The following PCSK5 variants were observed in gnomAD, a reference collection of about 807,000 sequenced individuals.
The protein encoded by PCSK5 is prohormone convertase 5.
Under a neutral mutation model 233.2 loss-of-function variants are expected in PCSK5, and 129 were observed. The ratio of observed to expected loss-of-function variants is 0.55; its 90% CI spans 0.48 to 0.64. The LOEUF (loss-of-function observed/expected upper bound fraction) is 0.64, where lower values mean the gene tolerates loss of function less well. PCSK5 is among the 30% of genes least tolerant of loss of function. The pLI is 0.00. For missense variants in PCSK5, 2,076 were observed against 2,430.1 expected (o/e 0.85, Z 3.06); for synonymous variants, 825 against 879.2 (o/e 0.94, Z 1.09).
At chr9:76,191,284 T>C (rs1159203950) in intron 20 of PCSK5, among the ~76,000 whole-genome samples, 2 of 152,208 alleles carry the variant, frequency 1.3e-5, no homozygotes, top group African/African-American at 4.8e-5. Flanking sequence ...TTCCCTTCTT[T>C]TGAATGTTTC....
chr9:75,912,476 T>G (rs949461586), intron 1 of PCSK5, among the ~76,000 whole-genome samples: 3 of 152,162 alleles, frequency 2.0e-5, no homozygotes, highest in Non-Finnish European at 2.9e-5. Context: ...TGTTAAAATG[T>G]GGATTCTGGT....
chr9:76,294,881 G>C (rs1454813841), intron 25 of PCSK5, among the ~76,000 whole-genome samples: 1 of 152,116 alleles, frequency 6.6e-6, no homozygotes, highest in Non-Finnish European at 1.5e-5. Context: ...GGCTGGGCGT[G>C]GTGGCTCATG....
chr9:75,920,067 G>C (rs1369404819), intron 1 of PCSK5, among the ~76,000 whole-genome samples: 1 of 152,190 alleles, frequency 6.6e-6, no homozygotes, highest in Non-Finnish European at 1.5e-5. Context: ...TACTTGGGAG[G>C]CTGGGGGAGG....
At chr9:76,228,287 G>T (rs1037408108) in intron 21 of PCSK5, among the ~76,000 whole-genome samples, 1 of 152,032 alleles carries the variant, frequency 6.6e-6, no homozygotes, top group African/African-American at 2.4e-5. Context: ...GTTACAAGGG[G>T]TGAACTGTTT....
At chr9:76,026,210 A>G (rs1325152883) in intron 4 of PCSK5, among the ~76,000 whole-genome samples, 2 of 152,236 alleles carry the variant, frequency 1.3e-5, no homozygotes, top group Non-Finnish European at 2.9e-5. Context: ...TCAGTAATGC[A>G]GGTATTTTTC....
At chr9:76,326,786 G>A (rs766432421) in intron 32 of PCSK5, among the ~76,000 whole-genome samples, 1 of 152,132 alleles carries the variant, frequency 6.6e-6, no homozygotes, top group Non-Finnish European at 1.5e-5. Context: ...ATTCTGTTAG[G>A]GAAGACAGGT....
At chr9:76,005,991 C>A (rs1462491647) in intron 3 of PCSK5, among the ~76,000 whole-genome samples, 1 of 151,892 alleles carries the variant, frequency 6.6e-6, no homozygotes, top group Non-Finnish European at 1.5e-5. Context: ...ACTACAGCCT[C>A]CCAAGGGGCT....
chr9:76,225,276 T>G (rs1825853616), intron 20 of PCSK5, among the ~76,000 whole-genome samples: 1 of 152,160 alleles, frequency 6.6e-6, no homozygotes, highest in African/African-American at 2.4e-5. Flanking sequence ...TCTCTACATC[T>G]CCCTTAGTAG....
rs780628172 is a variant in PCSK5 at position 76,323,137 on chromosome 9, C to T, written c.4188C>T (p.Val1396=). The change falls in exon 32 of 38, where the codon GTC becomes GTT. Residue 1396 remains valine, a synonymous_variant. Coordinates refer to ENST00000674117, the MANE Select transcript of PCSK5 (RefSeq NM_001372043.1). ...TCTATGCAGACTCGCGCCACTGTGTCCCCTGCCATAAAGACTGTCTGGAGT... is the reference window on the plus strand; with the variant it reads ...TCTATGCAGACTCGCGCCACTGTGTTCCCTGCCATAAAGACTGTCTGGAGT... ...RGFYADSRHC[V]PCHKDCLECS... is the part of the protein sequence containing the mutation. The T allele has an allele frequency of 6.2e-7, 1 of 1,612,158 alleles. No individual in the cohort carries two copies.
At chr9:76,230,906 T>C (rs888766605) in intron 21 of PCSK5, among the ~76,000 whole-genome samples, 1 of 152,100 alleles carries the variant, frequency 6.6e-6, no homozygotes, top group South Asian at 2.1e-4. Context: ...TTTCATTATA[T>C]ATCACAATGT....
chr9:76,335,450 A>G (rs577003172), intron 34 of PCSK5, among the ~76,000 whole-genome samples: 161 of 152,282 alleles, frequency 1.1e-3, no homozygotes, highest in African/African-American at 3.7e-3. Flanking sequence ...TCTGGCTTGG[A>G]AAAGTAGGCA....
At chr9:76,133,861 C>T (rs534884103) in intron 9 of PCSK5, among the ~76,000 whole-genome samples, 1 of 152,122 alleles carries the variant, frequency 6.6e-6, no homozygotes, top group East Asian at 1.9e-4. Context: ...AACTAAGTTA[C>T]CCTGACTACA....
At chr9:76,068,174 C>T (rs1011557654) in intron 6 of PCSK5, 131 bp downstream of exon 6, 16 of 612,700 alleles carry the variant, frequency 2.6e-5, no homozygotes, top group Non-Finnish European at 4.7e-5. Context: ...TCAACTATTG[C>T]TGGCCCCAAC....
intron 5 of PCSK5, among the ~76,000 whole-genome samples, chr9:76,038,275 T>TCTAGTACCCCATAG (rs1828948000): frequency 6.6e-6 from 1 of 152,188 alleles, no homozygotes; most frequent in Admixed American, 6.5e-5. Flanking sequence ...CCTGATACCT[T>TCTAGTACCCCATAG]GATCTTCCCA....
intron 24 of PCSK5, among the ~76,000 whole-genome samples, chr9:76,270,170 A>G (rs2131371856): frequency 6.6e-6 from 1 of 152,332 alleles, no homozygotes; most frequent in East Asian, 1.9e-4. Context: ...ATTAATGATC[A>G]GAAAATACGT....
chr9:75,891,278 C>A lies in PCSK5; in HGVS notation c.97C>A (p.Arg33Ser), dbSNP rs1388837223. ...CTGCCTGCTCCCCGTGTGTCGGACG[C>A]GCGTCTACACCAACCACTGGGCAGT... The part of the protein sequence containing the change: ...GGCLLPVCRT[R>S]VYTNHWAVKI... Residue 33 changes from arginine (R) to serine (S), a missense_variant, in exon 1 of 38, where the codon CGC (arginine) becomes AGC (serine). By Grantham distance (110) the Arg-to-Ser change is moderately radical. This residue lies in a region of PCSK5 where 190 missense variants were observed against 216.3 expected (regional missense o/e 0.88). Transcript: ENST00000674117. 1 of 1,530,318 alleles carries A rather than the reference C, an allele frequency of 6.5e-7. No homozygotes were observed. Among genetic ancestry groups the A allele is most frequent in the Non-Finnish European group, 8.7e-7 (1 of 1,148,776 alleles). 94.8% of individuals were successfully genotyped at this position (1,530,318 alleles called of 1,614,324 possible).
intron 20 of PCSK5, among the ~76,000 whole-genome samples, chr9:76,226,560 T>G (rs950639309): frequency 3.3e-5 from 5 of 152,140 alleles, no homozygotes; most frequent in Admixed American, 3.3e-4. Flanking sequence ...CAGACATGGC[T>G]TATGGGGGCT....
chr9:76,157,172 G>A lies in PCSK5; in HGVS notation c.1430+10G>A. ...CAGACCGACAAATCAAGTAATGCTT[G>A]CTGCCGGCAAACAGCATGACAATGC... On this transcript the variant is annotated intron_variant, in intron 11 of 37. Transcript: ENST00000674117. The A allele has an allele frequency of 6.3e-7, 1 of 1,582,416 alleles. No homozygotes were observed. The highest frequency in any genetic ancestry group is 8.7e-7 in the Non-Finnish European group (1 of 1,152,442).
chr9:76,042,190 T>C (rs942393844), intron 5 of PCSK5, among the ~76,000 whole-genome samples: 1 of 152,216 alleles, frequency 6.6e-6, no homozygotes, highest in Non-Finnish European at 1.5e-5. Flanking sequence ...AAAAACACCA[T>C]GAAATGCAAA....
Sources: gnomAD v4.1 joint callset for allele counts (sites outside exome capture counted in the v4.1 genomes callset) on GRCh38, gnomAD v4.1.1 for gene constraint, gnomAD v4.1.1 regional missense constraint, MANE v1.5 for transcripts, NCBI Gene and HGNC (gene_info 2026-07-23, HGNC 2026-07-21) for gene names.